The following TRIQK variants were observed in gnomAD, a reference collection of about 807,000 sequenced individuals.
TRIQK encodes the protein triple QxxK/R motif containing.
Under a neutral mutation model 10.8 loss-of-function variants are expected in TRIQK, and 10 were observed. The observed-to-expected ratio is 0.92, with a 90% CI of 0.57 to 1.57. The LOEUF is 1.57. Among genes scored for constraint, TRIQK ranks in the 40% most tolerant of loss-of-function variants. TRIQK has a pLI of 0.00. For synonymous variants in TRIQK, 33 were observed against 33.7 expected, an observed-to-expected ratio of 0.98 and a Z score of 0.07; for missense variants, 107 against 97.7, an observed-to-expected ratio of 1.09 and a Z score of -0.40.
chr8:92,884,742 T>C lies in TRIQK; in HGVS notation c.*1880A>G, dbSNP rs902664652. The stretch of plus-strand genomic sequence containing the variant: ...TTATTACATATCCTCTCATTTAAAT[T>C]ACCACTGAAAACTAGAAATAATCTT... On this transcript the variant is annotated 3_prime_UTR_variant, in exon 5 of 5. Coordinates refer to ENST00000521988, the MANE Select transcript of TRIQK (RefSeq NM_001171797.2). 4.7e-6 allele frequency: 2 copies of C among 423,388 alleles called. No homozygotes were observed. Among genetic ancestry groups the C allele is most frequent in the Non-Finnish European group, 9.5e-6 (2 of 210,256 alleles). 26.2% of individuals were successfully genotyped at this position (423,388 alleles called of 1,614,324 possible).
intron 2 of TRIQK, among the ~76,000 whole-genome samples, chr8:92,935,926 GTCAA>G (rs1040166825): frequency 6.6e-6 from 1 of 151,566 alleles, no homozygotes; most frequent in Admixed American, 6.6e-5. Flanking sequence ...AATTTTTTAA[GTCAA>G]TCAATGTTTA....
At chr8:92,999,867 C>T (rs557796913) in intron 1 of TRIQK, among the ~76,000 whole-genome samples, 6 of 152,114 alleles carry the variant, frequency 3.9e-5, no homozygotes, top group African/African-American at 1.4e-4. Flanking sequence ...ATGTATTATT[C>T]TACATATGTA....
At chr8:92,969,569 T>C (rs1191831737), upstream of TRIQK, among the ~76,000 whole-genome samples, 2 of 151,446 alleles carry the variant, frequency 1.3e-5, no homozygotes, top group Non-Finnish European at 2.9e-5. Flanking sequence ...TTTTTTTTGC[T>C]TTTAAAAACA....
In TRIQK at chr8:92,942,867, T is replaced by C. The variant is rs372271131; in HGVS notation, c.-22+11539A>G. ...CTGCCACCACGCCTGGCTAATTTTT[T>C]GTATTTTAGTAAAGACAGAGTTTCG... On this transcript the variant is annotated intron_variant, in intron 2 of 4. Transcript: ENST00000521988. Among the ~76,000 whole-genome samples the C allele has an allele frequency of 4.8e-4, 73 of 152,158 alleles. 3 individuals are homozygous for C. The South Asian group carries it at 0.015, about 31-fold the overall frequency.
At chr8:92,981,913 T>C (rs1445451412) in intron 1 of TRIQK, among the ~76,000 whole-genome samples, 3 of 151,782 alleles carry the variant, frequency 2.0e-5, no homozygotes, top group Non-Finnish European at 3.0e-5. Flanking sequence ...GAAATTGAAA[T>C]AGAAAGAGAG....
At chr8:92,969,579 A>G (rs1812853818), upstream of TRIQK, among the ~76,000 whole-genome samples, 1 of 150,732 alleles carries the variant, frequency 6.6e-6, no homozygotes, top group Non-Finnish European at 1.5e-5. Context: ...TTTTAAAAAC[A>G]TTTTATTTAT....
At position 92,886,414 on chromosome 8, in the gene TRIQK, T is replaced by C; in HGVS notation, c.*208A>G. 3.0e-6 allele frequency: 1 copy of C among 329,120 alleles called. No individual in the cohort carries two copies. Among genetic ancestry groups the C allele is most frequent in the Non-Finnish European group, 5.5e-6 (1 of 180,706 alleles). 20.4% of individuals were successfully genotyped at this position (329,120 alleles called of 1,614,324 possible). On this transcript the variant is annotated 3_prime_UTR_variant, in exon 5 of 5. Coordinates refer to ENST00000521988, the MANE Select transcript of TRIQK (RefSeq NM_001171797.2). ...GTGGCTGTCAAAGCAGAAAGATATA[T>C]AAAAGTATCCAGTAGCACATACTAT...
At chr8:92,959,173 C>A (rs1163290713) in intron 1 of TRIQK, among the ~76,000 whole-genome samples, 2 of 151,850 alleles carry the variant, frequency 1.3e-5, no homozygotes, top group East Asian at 1.9e-4. Context: ...ATGTACAAAC[C>A]ATTCCAAGCT....
intron 4 of TRIQK, among the ~76,000 whole-genome samples, chr8:92,887,573 G>GA (rs907480766): frequency 1.6e-4 from 24 of 148,132 alleles, no homozygotes; most frequent in African/African-American, 4.9e-4. Flanking sequence ...AATCAAAAAA[G>GA]AAAAAAAAAG....
chr8:92,942,375 A>G (rs539847089), intron 2 of TRIQK, among the ~76,000 whole-genome samples: 2 of 152,214 alleles, frequency 1.3e-5, no homozygotes, highest in African/African-American at 4.8e-5. Context: ...TCAACAAATT[A>G]GATATAGAAG....
chr8:92,890,599 G>C (rs1816712078), intron 4 of TRIQK, among the ~76,000 whole-genome samples: 1 of 151,688 alleles, frequency 6.6e-6, no homozygotes. Context: ...GTATAAAAAA[G>C]ATGTGTGTGT....
upstream of TRIQK, among the ~76,000 whole-genome samples, chr8:92,967,821 C>CCAAA (rs1812816725): frequency 2.4e-5 from 2 of 82,376 alleles, no homozygotes; most frequent in Non-Finnish European, 4.4e-5. Context: ...GACTCCATCT[C>CCAAA]AAAAAAAAAA....
At chr8:93,009,240 T>A (rs531182519) in intron 1 of TRIQK, among the ~76,000 whole-genome samples, 1 of 152,176 alleles carries the variant, frequency 6.6e-6, no homozygotes, top group Non-Finnish European at 1.5e-5. Flanking sequence ...TGTTCAACAT[T>A]ACTAATCAAC....
chr8:92,910,012 T>C (rs1381390833), intron 3 of TRIQK, among the ~76,000 whole-genome samples: 1 of 151,576 alleles, frequency 6.6e-6, no homozygotes, highest in Non-Finnish European at 1.5e-5. Flanking sequence ...AATGATAAAA[T>C]ACTCAAATTA....
At chr8:92,981,992 G>A (rs1463900703) in intron 1 of TRIQK, among the ~76,000 whole-genome samples, 1 of 151,292 alleles carries the variant, frequency 6.6e-6, no homozygotes, top group Non-Finnish European at 1.5e-5. Context: ...CATCTCAAGG[G>A]TATTACTTTT....
chr8:92,951,472 G>A (rs560307053), intron 2 of TRIQK, among the ~76,000 whole-genome samples: 66 of 152,126 alleles, frequency 4.3e-4, no homozygotes, highest in African/African-American at 1.6e-3. Flanking sequence ...AGAGGAAATC[G>A]TCACAGGAAC....
At chr8:92,990,989 C>A (rs1202417359) in intron 1 of TRIQK, among the ~76,000 whole-genome samples, 1 of 152,212 alleles carries the variant, frequency 6.6e-6, no homozygotes, top group Non-Finnish European at 1.5e-5. Flanking sequence ...GCCCAGCAAG[C>A]TAAAATCCAC....
intron 1 of TRIQK, among the ~76,000 whole-genome samples, chr8:93,001,251 G>A (rs991442296): frequency 2.0e-5 from 3 of 150,100 alleles, no homozygotes; most frequent in African/African-American, 7.4e-5. Context: ...AGCTTGCAGT[G>A]AGCTGAGATT....
intron 1 of TRIQK, among the ~76,000 whole-genome samples, chr8:93,007,923 A>AGT (rs1302787646): frequency 6.6e-6 from 1 of 152,218 alleles, no homozygotes; most frequent in Non-Finnish European, 1.5e-5. Flanking sequence ...GGATAAAGAA[A>AGT]GTGTGGTACA....
Sources: allele counts gnomAD v4.1 joint callset (sites outside exome capture counted in the v4.1 genomes callset), GRCh38; gene constraint gnomAD v4.1.1; transcripts MANE v1.5; gene names NCBI Gene and HGNC (gene_info 2026-07-23, HGNC 2026-07-21).